Variants in RPS19 observed in about 807,000 individuals in gnomAD.
The protein encoded by RPS19 is small ribosomal subunit protein eS19.
A neutral mutation model predicts 20.3 loss-of-function variants in RPS19; 1 was observed. That is an observed-to-expected ratio of 0.05 (90% CI 0.02 to 0.23). The LOEUF is 0.23. Ranked by LOEUF, RPS19 falls within the 10% of genes least tolerant of loss-of-function variation. RPS19 has a pLI of 1.00. For synonymous variants in RPS19, 87 were observed against 74.8 expected (o/e 1.16, Z -0.84); for missense variants, 111 against 192.7 (o/e 0.58, Z 2.51).
chr19:41,860,449 A>T, intron 1 of RPS19, 160 bp downstream of exon 1: 1 of 381,468 alleles, frequency 2.6e-6, no homozygotes, highest in South Asian at 2.4e-5. Flanking sequence ...ATGCCCGGTC[A>T]GCGCCGTCCG....
intron 3 of RPS19, 60 bp from the exon 4 acceptor site, chr19:41,868,971 G>C (rs2074116402): frequency 1.3e-6 from 2 of 1,525,156 alleles, no homozygotes; most frequent in Non-Finnish European, 1.8e-6. Context: ...TACACACAAG[G>C]AATTGTTTAC....
chr19:41,861,496 T>C (rs570453621), intron 3 of RPS19: 2 of 445,802 alleles, frequency 4.5e-6, no homozygotes, highest in African/African-American at 4.0e-5. Context: ...TAATCCTTTC[T>C]ATATACACGG....
chr19:41,863,442 G>C (rs2074053775), intron 3 of RPS19, among the ~76,000 whole-genome samples: 1 of 152,196 alleles, frequency 6.6e-6, no homozygotes, highest in Non-Finnish European at 1.5e-5. Context: ...GGGCTTGGCA[G>C]GGTGGCTCTG....
At chr19:41,869,289 T>C in intron 4 of RPS19, 75 bp downstream of exon 4, 1 of 1,358,754 alleles carries the variant, frequency 7.4e-7, no homozygotes, top group Non-Finnish European at 1.0e-6. Flanking sequence ...CGAATGGTCC[T>C]GCATAGTCTG....
At chr19:41,863,450 C>G (rs569043072) in intron 3 of RPS19, among the ~76,000 whole-genome samples, 1 of 152,180 alleles carries the variant, frequency 6.6e-6, no homozygotes, top group African/African-American at 2.4e-5. Context: ...CAGGGTGGCT[C>G]TGTCCAAAAC....
chr19:41,869,564 C>T (rs996756914), intron 4 of RPS19, 135 bp from the exon 5 acceptor site: 10 of 904,336 alleles, frequency 1.1e-5, no homozygotes, highest in African/African-American at 3.3e-5. Flanking sequence ...TTAGAATGCA[C>T]CTGACTAGGG....
At chr19:41,867,747 G>A (rs1555841005) in intron 3 of RPS19, among the ~76,000 whole-genome samples, 1 of 151,934 alleles carries the variant, frequency 6.6e-6, no homozygotes, top group African/African-American at 2.4e-5. Context: ...CGAGGCTGCA[G>A]TGAGCTATGA....
intron 3 of RPS19, 54 bp downstream of exon 3, chr19:41,861,266 CA>C: frequency 1.6e-6 from 2 of 1,286,740 alleles, no homozygotes; most frequent in Non-Finnish European, 2.3e-6. Flanking sequence ...ACCCCTGGCA[CA>C]AACCATACTT....
chr19:41,861,271 C>T (rs782454578), intron 3 of RPS19, 59 bp downstream of exon 3: 1 of 1,239,058 alleles, frequency 8.1e-7, no homozygotes, highest in Non-Finnish European at 1.2e-6. Context: ...TGGCACAAAC[C>T]ATACTTCCCT....
rs1234497698 is a variant in RPS19 at position 41,869,723 on chromosome 19, A to G, written c.381A>G (p.Gly127=). Residue 127 remains glycine, a synonymous_variant, in exon 5 of 6, where the codon GGA becomes GGG. Transcript: ENST00000598742. The part of the protein sequence containing the change: ...QDGGRKLTPQ[G]QRDLDRIAGQ... Reference sequence around the variant, plus strand: ...GCGGCCGCAAACTGACACCTCAGGGACAAAGAGATCTGGACAGAATCGCCG... The same window carrying G: ...GCGGCCGCAAACTGACACCTCAGGGGCAAAGAGATCTGGACAGAATCGCCG... 2 of 1,614,032 alleles carry G rather than the reference A, an allele frequency of 1.2e-6. No homozygotes were observed. Among genetic ancestry groups the G allele is most frequent in the African/African-American group, 2.7e-5 (2 of 74,924 alleles).
chr19:41,867,075 T>C (rs1555840873), intron 3 of RPS19, among the ~76,000 whole-genome samples: 1 of 151,592 alleles, frequency 6.6e-6, no homozygotes, highest in Non-Finnish European at 1.5e-5. Flanking sequence ...CCCAGCACTT[T>C]GGGAGGCCAA....
intron 3 of RPS19, chr19:41,861,497 A>G (rs782329875): frequency 5.2e-5 from 23 of 441,794 alleles, no homozygotes; most frequent in South Asian, 1.5e-4. Flanking sequence ...AATCCTTTCT[A>G]TATACACGGA....
intron 1 of RPS19, 101 bp from the exon 2 acceptor site, chr19:41,860,674 C>T (rs532072309): frequency 1.5e-5 from 14 of 928,820 alleles, no homozygotes; most frequent in East Asian, 2.4e-5. Context: ...GGGGGTACCA[C>T]GGTTTAGGAT....
chr19:41,871,648 G>T lies in RPS19; in HGVS notation c.*271G>T. ...AGGCGCTTCCTCCCTTCCCTTGGGT[G>T]AGGGGGCCCAGGGTGATTGGGTGGC... is the stretch of plus-strand genomic sequence containing the variant. On this transcript the variant is annotated 3_prime_UTR_variant, in exon 6 of 6. Transcript: ENST00000598742. 1 of 476,248 alleles carries T rather than the reference G, an allele frequency of 2.1e-6. No homozygotes were observed. The highest frequency in any genetic ancestry group is 3.8e-6 in the Non-Finnish European group (1 of 260,772). 29.5% of individuals were successfully genotyped at this position (476,248 alleles called of 1,614,324 possible).
Position 41,869,618 on chromosome 19 carries a change from C to T in RPS19, c.357-81C>T, listed in dbSNP as rs573213622. ...TGGCGGCAGGTGGCTTTTTGAGAAG[C>T]CTGGCTCACAGCCAGGAGGGAAGGG... is the stretch of plus-strand genomic sequence containing the variant. On this transcript the variant is annotated intron_variant, in intron 4 of 5. Transcript: ENST00000598742. 2.8e-5 allele frequency: 42 copies of T among 1,509,952 alleles called. No individual in the cohort carries two copies. In the East Asian group the frequency reaches 8.8e-4, roughly 32 times the overall value. The allele number at this position is 1,509,952 out of a possible 1,614,324, so 93.5% of individuals were successfully genotyped here.
At position 41,872,359 on chromosome 19, in the gene RPS19, G is replaced by A. The variant is rs1248266220; in HGVS notation, c.*982G>A. The A allele has an allele frequency of 6.6e-6, 1 of 152,274 alleles. No individual in the cohort carries two copies. The highest frequency in any genetic ancestry group is 2.4e-5 in the African/African-American group (1 of 41,470). 9.4% of individuals were successfully genotyped at this position (152,274 alleles called of 1,614,324 possible). A position where few individuals can be genotyped will look rare whatever the true frequency, so the allele number is the denominator to read the frequency against. The stretch of plus-strand genomic sequence containing the variant: ...GATTCCCCTGTCCAAATTATTCCTG[G>A]GATCTGACCCATTTCCTGGAAAGGG... On this transcript the variant is annotated 3_prime_UTR_variant, in exon 6 of 6. Transcript: ENST00000598742.
At position 41,872,753 on chromosome 19, in the gene RPS19, G is replaced by C. The variant is rs1326849410; in HGVS notation, c.*1376G>C. On this transcript the variant is annotated 3_prime_UTR_variant, in exon 6 of 6. Transcript: ENST00000598742. ...TCTCTAAAAATACCAAAATTAGTTG[G>C]GCATGGTGGCGCGCACCTGTAATCC... The C allele has an allele frequency of 1.3e-5, 2 of 152,290 alleles. No homozygotes were observed. The highest frequency in any genetic ancestry group is 3.9e-4 in the East Asian group (2 of 5,186). 9.4% of individuals were successfully genotyped at this position (152,290 alleles called of 1,614,324 possible).
Position 41,869,106 on chromosome 19 carries a change from A to G in RPS19, c.248A>G (p.Gln83Arg). The change falls in exon 4 of 6, where the codon CAG (glutamine) becomes CGG (arginine). Residue 83 changes from glutamine (Q) to arginine (R), a missense_variant. Transcript: ENST00000598742. Reference sequence around the variant, plus strand: ...ATGACCAAGATCTATGGGGGACGTCAGAGAAACGGCGTCATGCCCAGCCAC... The same window carrying G: ...ATGACCAAGATCTATGGGGGACGTCGGAGAAACGGCGTCATGCCCAGCCAC... Reference protein sequence around the residue: ...GSMTKIYGGRQRNGVMPSHFS... With the variant: ...GSMTKIYGGRRRNGVMPSHFS... 2 of 1,613,854 alleles carry G rather than the reference A, an allele frequency of 1.2e-6. No individual in the cohort carries two copies. Among genetic ancestry groups the G allele is most frequent in the Non-Finnish European group, 1.7e-6 (2 of 1,179,850 alleles).
chr19:41,869,704 G>A lies in RPS19; in HGVS notation c.362G>A (p.Arg121His), dbSNP rs2074126696. The A allele has an allele frequency of 1.9e-6, 3 of 1,613,952 alleles. No homozygotes were observed. Among genetic ancestry groups the A allele is most frequent in the Non-Finnish European group, 1.7e-6 (2 of 1,179,934 alleles). The change falls in exon 5 of 6, where the codon CGC becomes CAC. Residue 121 changes from arginine (R) to histidine (H), a missense_variant. Arg to His is a conservative substitution (Grantham distance 29, BLOSUM62 0). Coordinates refer to ENST00000598742, the MANE Select transcript of RPS19 (RefSeq NM_001022.4). ...TGACCCTTCCCTCCCCACAGCGGCCGCAAACTGACACCTCAGGGACAAAGA... is the reference window on the plus strand; with the variant it reads ...TGACCCTTCCCTCCCCACAGCGGCCACAAACTGACACCTCAGGGACAAAGA... ...KMVEKDQDGGRKLTPQGQRDL... is the reference protein window; with the variant it reads ...KMVEKDQDGGHKLTPQGQRDL...
Sources: allele counts gnomAD v4.1 joint callset (sites outside exome capture counted in the v4.1 genomes callset), GRCh38; gene constraint gnomAD v4.1.1; transcripts MANE v1.5; gene names NCBI Gene and HGNC (gene_info 2026-07-23, HGNC 2026-07-21).